The following NCAM2 variants were observed in gnomAD, a reference collection of about 807,000 sequenced individuals.
NCAM2 encodes N-CAM-2.
NCAM2 carries 30 observed loss-of-function variants against 98.1 expected under a neutral mutation model. The ratio of observed to expected loss-of-function variants is 0.31; its 90% CI spans 0.23 to 0.41. The LOEUF (loss-of-function observed/expected upper bound fraction) is 0.41, where lower values mean the gene tolerates loss of function less well. NCAM2 is among the 10% of genes least tolerant of loss of function. The probability of loss-of-function intolerance (pLI) is 1.00; values close to 1 mark genes in which losing one functional copy is unlikely to be tolerated. For synonymous variants in NCAM2, 368 were observed against 342.4 expected, an observed-to-expected ratio of 1.07 and a Z score of -0.83; for missense variants, 867 against 1,005.8, an observed-to-expected ratio of 0.86 and a Z score of 1.87.
chr21:21,316,403 C>A (rs967425711), intron 5 of NCAM2, among the ~76,000 whole-genome samples: 9 of 151,924 alleles, frequency 5.9e-5, no homozygotes, highest in Non-Finnish European at 1.2e-4. Flanking sequence ...AATAACTTGC[C>A]AAAATTGAAA....
At chr21:21,106,314 C>CAAAAAAAAAAAAAAA (rs202018731) in intron 1 of NCAM2, among the ~76,000 whole-genome samples, 5,734 of 101,926 alleles carry the variant, frequency 0.056, 237 homozygotes, top group South Asian at 0.077. Flanking sequence ...GTCTCAAAAG[C>CAAAAAAAAAAAAAAA]AAAAAAAAAA....
chr21:21,435,807 A>G (rs1978309781), intron 12 of NCAM2, among the ~76,000 whole-genome samples: 1 of 152,152 alleles, frequency 6.6e-6, no homozygotes, highest in African/African-American at 2.4e-5. Context: ...TACACTTTAT[A>G]TCTCAAATGG....
intron 1 of NCAM2, among the ~76,000 whole-genome samples, chr21:21,112,558 C>T (rs2066475548): frequency 1.3e-5 from 2 of 152,244 alleles, no homozygotes; most frequent in Admixed American, 1.3e-4. Flanking sequence ...TCCTTCTCAT[C>T]CGTCAAAGGC....
At position 21,002,587 on chromosome 21, in the gene NCAM2, C is replaced by T. The variant is rs192543480; in HGVS notation, c.55+3969C>T. Among the ~76,000 whole-genome samples the T allele has an allele frequency of 4.6e-5, 7 of 152,182 alleles. No homozygotes were observed. In the East Asian group the frequency reaches 1.4e-3, roughly 29 times the overall value. ...TCTGAAGACTCTGGAACTGGTCCTC[C>T]TGCATTCTCTGTCTTTTAACATTTG... On this transcript the variant is annotated intron_variant, in intron 1 of 17. Transcript: ENST00000400546.
intron 12 of NCAM2, among the ~76,000 whole-genome samples, chr21:21,452,901 TA>T (rs1441418510): frequency 2.0e-5 from 2 of 102,048 alleles, no homozygotes; most frequent in African/African-American, 4.1e-5. Context: ...ATATAATATA[TA>T]ATATATATTA....
chr21:21,522,869 C>G (rs1351698122), intron 16 of NCAM2, among the ~76,000 whole-genome samples: 2 of 152,030 alleles, frequency 1.3e-5, no homozygotes, highest in Admixed American at 1.3e-4. Flanking sequence ...TGACCTCCAA[C>G]CACCTCGGCC....
At chr21:21,221,163 T>C (rs2070133298) in intron 1 of NCAM2, among the ~76,000 whole-genome samples, 1 of 152,130 alleles carries the variant, frequency 6.6e-6, no homozygotes, top group Non-Finnish European at 1.5e-5. Context: ...CTTCAGTAAA[T>C]GTTGTGTGTT....
chr21:21,473,143 T>G (rs1418465553), intron 14 of NCAM2, among the ~76,000 whole-genome samples: 1 of 151,408 alleles, frequency 6.6e-6, no homozygotes, highest in Non-Finnish European at 1.5e-5. Flanking sequence ...TTGGATATTC[T>G]GATATGGAGA....
At chr21:21,176,543 A>G (rs1260937095) in intron 1 of NCAM2, among the ~76,000 whole-genome samples, 2 of 152,086 alleles carry the variant, frequency 1.3e-5, no homozygotes, top group Admixed American at 6.5e-5. Flanking sequence ...GAAAATGTAA[A>G]TGGATACTTG....
At chr21:21,178,275 T>C (rs1029664373) in intron 1 of NCAM2, among the ~76,000 whole-genome samples, 6 of 152,140 alleles carry the variant, frequency 3.9e-5, no homozygotes, top group Non-Finnish European at 8.8e-5. Flanking sequence ...GTTGGTACTC[T>C]TGATTTTTCT....
chr21:21,002,536 A>T (rs1184996680), intron 1 of NCAM2, among the ~76,000 whole-genome samples: 1 of 152,184 alleles, frequency 6.6e-6, no homozygotes, highest in Non-Finnish European at 1.5e-5. Context: ...GTGTGGAAGC[A>T]GTGCAAATAG....
chr21:21,316,916 A>C (rs1423297134), intron 5 of NCAM2, among the ~76,000 whole-genome samples: 4 of 151,634 alleles, frequency 2.6e-5, no homozygotes, highest in South Asian at 2.1e-4. Flanking sequence ...TAGCACATAA[A>C]CCCCCCGGTG....
chr21:21,218,241 G>T (rs1210819284), intron 1 of NCAM2, among the ~76,000 whole-genome samples: 7 of 152,166 alleles, frequency 4.6e-5, no homozygotes. Flanking sequence ...TGTTCAAACA[G>T]TCCAGTGCGC....
At chr21:21,090,959 C>T (rs917608700) in intron 1 of NCAM2, among the ~76,000 whole-genome samples, 3 of 152,174 alleles carry the variant, frequency 2.0e-5, no homozygotes, top group African/African-American at 7.2e-5. Context: ...TGCTTTTCTT[C>T]AGAGCATTCA....
At chr21:21,409,249 C>T (rs1356865838) in intron 9 of NCAM2, among the ~76,000 whole-genome samples, 1 of 152,012 alleles carries the variant, frequency 6.6e-6, no homozygotes, top group East Asian at 1.9e-4. Flanking sequence ...GTGAAAACAA[C>T]ATTTGTATGT....
chr21:21,120,719 G>GGT (rs2066654650), intron 1 of NCAM2, among the ~76,000 whole-genome samples: 4 of 142,250 alleles, frequency 2.8e-5, no homozygotes, highest in Non-Finnish European at 6.1e-5. Context: ...TTTTTTGTGG[G>GGT]TTTTTTTTTT....
intron 1 of NCAM2, among the ~76,000 whole-genome samples, chr21:21,089,310 G>T (rs1189606879): frequency 6.6e-6 from 1 of 151,950 alleles, no homozygotes; most frequent in Non-Finnish European, 1.5e-5. Context: ...AAAGAATTTT[G>T]CTGTTCTCAA....
At chr21:21,111,845 G>C (rs889281897) in intron 1 of NCAM2, among the ~76,000 whole-genome samples, 1 of 151,958 alleles carries the variant, frequency 6.6e-6, no homozygotes, top group Non-Finnish European at 1.5e-5. Flanking sequence ...GAGCTCAAAT[G>C]GACAAGGGAG....
intron 5 of NCAM2, among the ~76,000 whole-genome samples, chr21:21,302,428 T>C (rs1439121028): frequency 1.3e-5 from 2 of 152,088 alleles, no homozygotes; most frequent in African/African-American, 2.4e-5. Flanking sequence ...TGATTCTAAG[T>C]GTATGATTTT....
Sources: gnomAD v4.1 joint callset for allele counts (sites outside exome capture counted in the v4.1 genomes callset) on GRCh38, gnomAD v4.1.1 for gene constraint, MANE v1.5 for transcripts, NCBI Gene and HGNC (gene_info 2026-07-23, HGNC 2026-07-21) for gene names.